Variants in METTL17 observed in about 807,000 individuals in gnomAD.
METTL17 encodes the protein methyltransferase like 17.
METTL17 carries 49 observed loss-of-function variants against 59.4 expected under a neutral mutation model. The observed-to-expected ratio is 0.82, with a 90% confidence interval of 0.66 to 1.05. METTL17 has a LOEUF of 1.05. Ranked by LOEUF, METTL17 falls within the 50% of genes least tolerant of loss-of-function variation. METTL17 has a pLI of 0.00. For synonymous variants in METTL17, 208 were observed against 209.2 expected (o/e 0.99, Z 0.05); for missense variants, 555 against 578.4 (o/e 0.96, Z 0.41).
In METTL17 at chr14:20,990,086, C is replaced by G; in HGVS notation, c.75+9C>G. ...TGGCTCCCCAGGCCCGGGTGAGTGC[C>G]TACATTCCCTGCTGTCGGAGAGACT... On this transcript the variant is annotated intron_variant, in intron 1 of 13. Transcript: ENST00000339374. The G allele has an allele frequency of 6.2e-7, 1 of 1,612,932 alleles. No homozygotes were observed. Among genetic ancestry groups the G allele is most frequent in the Non-Finnish European group, 8.5e-7 (1 of 1,180,022 alleles).
chr14:20,995,216 A>T lies in METTL17; in HGVS notation c.928A>T (p.Arg310Trp). The T allele has an allele frequency of 1.2e-6, 2 of 1,614,178 alleles. No homozygotes were observed. The highest frequency in any genetic ancestry group is 1.7e-6 in the Non-Finnish European group (2 of 1,180,000). Residue 310 changes from arginine to tryptophan, a missense_variant, in exon 10 of 14, where the codon AGG becomes TGG. By Grantham distance (101) the Arg-to-Trp change is moderately radical. Coordinates refer to ENST00000339374, the MANE Select transcript of METTL17 (RefSeq NM_022734.3). ...TGGGCACAGCCTTCTCATGGATGCC[A>T]GGGATCTGGTCCTTAAGGTAAGGCT... ...KAGHSLLMDARDLVLKGKEKS... is the reference protein window; with the variant it reads ...KAGHSLLMDAWDLVLKGKEKS...
chr14:20,994,618 G>C lies in METTL17; in HGVS notation c.768+5G>C. On this transcript the variant is annotated splice_donor_5th_base_variant and intron_variant, in intron 8 of 13. Coordinates refer to ENST00000339374, the MANE Select transcript of METTL17 (RefSeq NM_022734.3). ...TTTCTACCTGTATCACCCAAGGCAA[G>C]TGGCAGTGTTTAGAATATTCTAAAT... 6.2e-7 allele frequency: 1 copy of C among 1,613,742 alleles called. No homozygotes were observed. Among genetic ancestry groups the C allele is most frequent in the Non-Finnish European group, 8.5e-7 (1 of 1,179,590 alleles).
At position 20,994,531 on chromosome 14, in the gene METTL17, T is replaced by C. The variant is rs1419604319; in HGVS notation, c.698-12T>C. On this transcript the variant is annotated splice_polypyrimidine_tract_variant and intron_variant, in intron 7 of 13. Coordinates refer to ENST00000339374, the MANE Select transcript of METTL17 (RefSeq NM_022734.3). ...CCTACACACTCACAGTTGCCTCTTC[T>C]TTTCTCCACAGGTGGTTCAGAATCT... is the stretch of plus-strand genomic sequence containing the variant. The C allele has an allele frequency of 1.9e-6, 3 of 1,613,304 alleles. No homozygotes were observed. The African/African-American group carries it at 4.0e-5, about 22-fold the overall frequency.
At position 20,992,185 on chromosome 14, in the gene METTL17, C is replaced by G. The variant is rs1363089212; in HGVS notation, c.426C>G (p.Thr142=). 1.9e-6 allele frequency: 3 copies of G among 1,608,072 alleles called. No individual in the cohort carries two copies. Residue 142 remains threonine, a synonymous_variant, in exon 4 of 14, where the codon ACC becomes ACG. Coordinates refer to ENST00000339374, the MANE Select transcript of METTL17 (RefSeq NM_022734.3). ...TGCTACACGCACTACGTAAAACTACCTACCATTGGCAAGAACTGAGGTAAG... is the reference window on the plus strand; with the variant it reads ...TGCTACACGCACTACGTAAAACTACGTACCATTGGCAAGAACTGAGGTAAG... ...GAVLHALRKT[T]YHWQELSYTE...
intron 9 of METTL17, 111 bp from the exon 10 acceptor site, chr14:20,995,054 C>T: frequency 8.4e-7 from 1 of 1,184,534 alleles, no homozygotes; most frequent in Non-Finnish European, 1.2e-6. Flanking sequence ...TATGTAATGC[C>T]TATTTCTTTT....
intron 11 of METTL17, 116 bp from the exon 12 acceptor site, chr14:20,996,077 TCCCCTGGCTCTTCCTA>T (rs1880353200): frequency 3.9e-6 from 5 of 1,277,066 alleles, no homozygotes. Flanking sequence ...ACCTAATGAT[TCCCCTGGCTCTTCCTA>T]CCCACTGCTC....
rs1173645788 is a variant in METTL17, at chr14:20,993,959, G to A, written c.603-10G>A. Reference sequence around the variant, plus strand: ...GGAATTGGTGATTTATAATAATTTTGCCATCTTAGGGCTGCTCACAGTATT... The same window carrying A: ...GGAATTGGTGATTTATAATAATTTTACCATCTTAGGGCTGCTCACAGTATT... On this transcript the variant is annotated splice_polypyrimidine_tract_variant and intron_variant, in intron 6 of 13. Coordinates refer to ENST00000339374, the MANE Select transcript of METTL17 (RefSeq NM_022734.3). The A allele has an allele frequency of 5.0e-6, 8 of 1,605,914 alleles. No homozygotes were observed. In the South Asian group the frequency reaches 8.9e-5, roughly 18 times the overall value.
intron 1 of METTL17, 42 bp from the exon 2 acceptor site, chr14:20,990,188 T>A (rs1330912912): frequency 6.2e-7 from 1 of 1,613,102 alleles, no homozygotes; most frequent in South Asian, 1.1e-5. Flanking sequence ...CCAGCAACTT[T>A]CCTTTCTGCC....
intron 1 of METTL17, 42 bp downstream of exon 1, chr14:20,990,119 T>A: frequency 6.2e-7 from 1 of 1,612,154 alleles, no homozygotes; most frequent in Non-Finnish European, 8.5e-7. Context: ...ACTCTGGATC[T>A]GCAGAGACAT....
chr14:20,992,224 G>A lies in METTL17; in HGVS notation c.446+19G>A. The A allele has an allele frequency of 6.7e-7, 1 of 1,492,282 alleles. No individual in the cohort carries two copies. The highest frequency in any genetic ancestry group is 9.2e-7 in the Non-Finnish European group (1 of 1,083,892). The allele number at this position is 1,492,282 out of a possible 1,614,324, so 92.4% of individuals were successfully genotyped here. A position where few individuals can be genotyped will look rare whatever the true frequency, so the allele number is the denominator to read the frequency against. ...AACTGAGGTAAGGGGGCCCAGAAGA[G>A]GTGCACAAGAAAGCAAAGGTAGACT... is the stretch of plus-strand genomic sequence containing the variant. On this transcript the variant is annotated intron_variant, in intron 4 of 13. Transcript: ENST00000339374.
chr14:20,996,718 G>C lies in METTL17; in HGVS notation c.1265+7G>C. The C allele has an allele frequency of 6.2e-7, 1 of 1,614,250 alleles. No individual in the cohort carries two copies. The highest frequency in any genetic ancestry group is 8.5e-7 in the Non-Finnish European group (1 of 1,180,038). ...CAGCCCGCCGGCACGGCAGGTATGGGGGGTGTGACCAAAATCAGTGGGATG... is the reference window on the plus strand; with the variant it reads ...CAGCCCGCCGGCACGGCAGGTATGGCGGGTGTGACCAAAATCAGTGGGATG... On this transcript the variant is annotated splice_region_variant and intron_variant, in intron 13 of 13. Coordinates refer to ENST00000339374, the MANE Select transcript of METTL17 (RefSeq NM_022734.3).
rs899023424 is a variant in METTL17 at position 20,990,313 on chromosome 14, T to C, written c.159T>C (p.Pro53=). The change falls in exon 2 of 14, where the codon CCT becomes CCC. Residue 53 remains proline, a synonymous_variant. Transcript: ENST00000339374. Reference sequence around the variant, plus strand: ...AGAAGAGGCCTCATCGCCAGCACCCTGGCATCCTAAAGCTGCCGCACGTGC... The same window carrying C: ...AGAAGAGGCCTCATCGCCAGCACCCCGGCATCCTAAAGCTGCCGCACGTGC... ...FLQKRPHRQH[P]GILKLPHVRL... The C allele has an allele frequency of 6.2e-7, 1 of 1,614,240 alleles. No individual in the cohort carries two copies. The highest frequency in any genetic ancestry group is 1.7e-5 in the Admixed American group (1 of 60,036).
At chr14:20,993,498 C>T (rs900576717) in intron 6 of METTL17, 67 of 334,356 alleles carry the variant, frequency 2.0e-4, no homozygotes, top group Admixed American at 2.3e-4. Flanking sequence ...TTTTTTGAAA[C>T]GGTGTCTCAC....
intron 1 of METTL17, 32 bp downstream of exon 1, chr14:20,990,109 A>T: frequency 6.2e-7 from 1 of 1,612,160 alleles, no homozygotes; most frequent in Non-Finnish European, 8.5e-7. Context: ...TGTCGGAGAG[A>T]CTCTGGATCT....
chr14:20,990,556 A>AGACG lies in METTL17; in HGVS notation c.324_327dup (p.Ala110ThrfsTer3). 1.2e-6 allele frequency: 2 copies of AGACG among 1,614,264 alleles called. No homozygotes were observed. ...GCCTGTAGAGCCAGAGGAGTTGCAA[A>AGACG]GACGGGCTAGGCATCTTGAGAAAAA... is the stretch of plus-strand genomic sequence containing the variant. On this transcript the variant is annotated frameshift_variant, in exon 3 of 14. Transcript: ENST00000339374. LOFTEE classifies it high-confidence loss of function.
At chr14:20,995,075 T>C in intron 9 of METTL17, 90 bp from the exon 10 acceptor site, 1 of 1,294,952 alleles carries the variant, frequency 7.7e-7, no homozygotes, top group South Asian at 1.2e-5. Context: ...TAGGACTCCT[T>C]CTCCCTCTAT....
intron 7 of METTL17, 32 bp downstream of exon 7, chr14:20,994,095 A>G: frequency 6.5e-7 from 1 of 1,533,206 alleles, no homozygotes; most frequent in South Asian, 1.1e-5. Flanking sequence ...AAGTTGAGGG[A>G]GTTAAGAAAG....
rs1401660447 is a variant in METTL17, at chr14:20,989,995, C to A, written c.-8C>A. On this transcript the variant is annotated 5_prime_UTR_variant, in exon 1 of 14. Coordinates refer to ENST00000339374, the MANE Select transcript of METTL17 (RefSeq NM_022734.3). ...CTGTATTTCCGTTTCCGGTTCGCCTCCGGAGCCATGGCGGCGGCACTGAAG... is the reference window on the plus strand; with the variant it reads ...CTGTATTTCCGTTTCCGGTTCGCCTACGGAGCCATGGCGGCGGCACTGAAG... 5.7e-6 allele frequency: 9 copies of A among 1,586,340 alleles called. No individual in the cohort carries two copies. Among genetic ancestry groups the A allele is most frequent in the Non-Finnish European group, 7.7e-6 (9 of 1,163,690 alleles).
chr14:20,990,038 A>AAGAT lies in METTL17; in HGVS notation c.37_40dup (p.Trp14Ter). On this transcript the variant is annotated frameshift_variant, in exon 1 of 14. Transcript: ENST00000339374. LOFTEE classifies it high-confidence loss of function. ...CACTGAAGTGTCTACTGACATTAGG[A>AAGAT]AGATGGTGCCCCGGCCTTGGAGTGG... The AAGAT allele has an allele frequency of 6.2e-7, 1 of 1,612,970 alleles. No individual in the cohort carries two copies. The highest frequency in any genetic ancestry group is 1.1e-5 in the South Asian group (1 of 91,042).
Sources: gnomAD v4.1 joint callset for allele counts on GRCh38, gnomAD v4.1.1 for gene constraint, MANE v1.5 for transcripts, NCBI Gene and HGNC (gene_info 2026-07-23, HGNC 2026-07-21) for gene names.